TSPAN12: variants seen among roughly 807,000 people sequenced by gnomAD.
TSPAN12 encodes tetraspanin-12.
TSPAN12 carries 19 observed loss-of-function variants against 39.2 expected under a neutral mutation model. The observed-to-expected ratio is 0.49, with a 90% CI of 0.34 to 0.71. The LOEUF (loss-of-function observed/expected upper bound fraction) is 0.71. Ranked by LOEUF, TSPAN12 falls within the 30% of genes least tolerant of loss-of-function variation. TSPAN12 has a pLI of 0.01. For synonymous variants in TSPAN12, 119 were observed against 124.8 expected (o/e 0.95, Z 0.31); for missense variants, 314 against 359.9 (o/e 0.87, Z 1.03).
intron 7 of TSPAN12, among the ~76,000 whole-genome samples, chr7:120,802,139 C>T (rs1392228421): frequency 3.9e-5 from 6 of 152,202 alleles, no homozygotes; most frequent in African/African-American, 1.4e-4. Flanking sequence ...ACAAGAGATA[C>T]CATAGGCTTG....
At chr7:120,838,327 C>T (rs939817691) in intron 4 of TSPAN12, among the ~76,000 whole-genome samples, 1 of 152,186 alleles carries the variant, frequency 6.6e-6, no homozygotes, top group Non-Finnish European at 1.5e-5. Flanking sequence ...CTGAGACTCG[C>T]TTATGTTCTC....
intron 2 of TSPAN12, among the ~76,000 whole-genome samples, chr7:120,847,928 G>A (rs2116493668): frequency 1.3e-5 from 2 of 152,210 alleles, no homozygotes; most frequent in Middle Eastern, 6.8e-3. Context: ...GGGCACACCA[G>A]GCCCTCTTCA....
chr7:120,828,085 CAT>C (rs1418351878), intron 4 of TSPAN12, among the ~76,000 whole-genome samples: 5 of 152,186 alleles, frequency 3.3e-5, no homozygotes, highest in African/African-American at 1.2e-4. Context: ...GACTTCCCCA[CAT>C]GAGTACCTTT....
Position 120,806,588 on chromosome 7 carries a change from T to G in TSPAN12, c.573A>C (p.Lys191Asn). The G allele has an allele frequency of 6.2e-7, 1 of 1,613,536 alleles. No homozygotes were observed. Among genetic ancestry groups the G allele is most frequent in the Non-Finnish European group, 8.5e-7 (1 of 1,179,600 alleles). Residue 191 changes from lysine to asparagine, a missense_variant, in exon 7 of 8, where the codon AAA becomes AAC. Physicochemically the swap from Lys to Asn is moderately conservative, Grantham distance 94. Coordinates refer to ENST00000222747, the MANE Select transcript of TSPAN12 (RefSeq NM_012338.4). ...CCVREFPGCS[K>N]QAHQEDLSDL... is the part of the protein sequence containing the mutation. ...CACTGAGATCTTCCTGGTGGGCCTGTTTGGAACATCCTGGGAATTCTCTAA... is the reference window on the plus strand; with the variant it reads ...CACTGAGATCTTCCTGGTGGGCCTGGTTGGAACATCCTGGGAATTCTCTAA...
intron 1 of TSPAN12, 182 bp from the exon 2 acceptor site, chr7:120,857,015 T>C: frequency 3.5e-6 from 2 of 571,504 alleles, no homozygotes; most frequent in Non-Finnish European, 3.1e-6. Context: ...CTCCCAAAAG[T>C]TCCAAACCGG....
intron 4 of TSPAN12, among the ~76,000 whole-genome samples, chr7:120,824,395 T>C (rs958419551): frequency 4.6e-5 from 7 of 151,788 alleles, no homozygotes; most frequent in African/African-American, 7.3e-5. Context: ...TGAGCCAAGA[T>C]GGTACCATTG....
At chr7:120,794,123 A>T (rs1001626060) in intron 7 of TSPAN12, among the ~76,000 whole-genome samples, 3 of 152,206 alleles carry the variant, frequency 2.0e-5, no homozygotes, top group Admixed American at 2.0e-4. Context: ...ATATTTTATT[A>T]TTAATTTACT....
At chr7:120,838,014 G>A (rs1426252605) in intron 4 of TSPAN12, among the ~76,000 whole-genome samples, 1 of 152,106 alleles carries the variant, frequency 6.6e-6, no homozygotes, top group Non-Finnish European at 1.5e-5. Flanking sequence ...TACACAGCCA[G>A]GGCTGAGACC....
At chr7:120,845,754 C>T (rs1794658451) in intron 2 of TSPAN12, among the ~76,000 whole-genome samples, 3 of 152,208 alleles carry the variant, frequency 2.0e-5, no homozygotes, top group Admixed American at 2.0e-4. Flanking sequence ...ATTTTTATCA[C>T]AACAATTTAA....
At chr7:120,835,306 C>T (rs1273208141) in intron 4 of TSPAN12, among the ~76,000 whole-genome samples, 1 of 152,140 alleles carries the variant, frequency 6.6e-6, no homozygotes, top group African/African-American at 2.4e-5. Context: ...AGCCTTATTG[C>T]CGAATGACTT....
At chr7:120,807,914 G>A (rs1426227817) in intron 6 of TSPAN12, among the ~76,000 whole-genome samples, 3 of 151,968 alleles carry the variant, frequency 2.0e-5, no homozygotes, top group Admixed American at 6.6e-5. Flanking sequence ...AAAGTCATGA[G>A]TATACTATAA....
At chr7:120,816,483 GA>G (rs1794085963) in intron 4 of TSPAN12, among the ~76,000 whole-genome samples, 1 of 152,040 alleles carries the variant, frequency 6.6e-6, no homozygotes, top group African/African-American at 2.4e-5. Flanking sequence ...TTGGAACAAA[GA>G]AGAGAAGAGA....
intron 7 of TSPAN12, among the ~76,000 whole-genome samples, chr7:120,790,741 A>C (rs911508192): frequency 6.6e-6 from 1 of 152,190 alleles, no homozygotes; most frequent in Non-Finnish European, 1.5e-5. Context: ...GCAGAGAAAT[A>C]TTTTACATAG....
At chr7:120,822,159 C>T (rs1054902573) in intron 4 of TSPAN12, among the ~76,000 whole-genome samples, 26 of 152,074 alleles carry the variant, frequency 1.7e-4, no homozygotes, top group Admixed American at 1.4e-3. Flanking sequence ...CTATTTAAGC[C>T]CTTGGGGATG....
At chr7:120,829,954 C>T (rs1158428381) in intron 4 of TSPAN12, among the ~76,000 whole-genome samples, 1 of 152,020 alleles carries the variant, frequency 6.6e-6, no homozygotes, top group Non-Finnish European at 1.5e-5. Flanking sequence ...CTCATAAAGA[C>T]CCAACACTAA....
intron 4 of TSPAN12, among the ~76,000 whole-genome samples, chr7:120,827,121 A>G (rs1026104699): frequency 6.6e-6 from 1 of 152,208 alleles, no homozygotes; most frequent in Non-Finnish European, 1.5e-5. Flanking sequence ...AACTCGTACT[A>G]TAATAGCTGT....
At chr7:120,854,059 TA>T (rs1243416990) in intron 2 of TSPAN12, among the ~76,000 whole-genome samples, 1 of 152,112 alleles carries the variant, frequency 6.6e-6, no homozygotes, top group East Asian at 1.9e-4. Context: ...AAAATATACA[TA>T]AAATGATGCT....
At chr7:120,797,787 A>ACATT (rs1793662505) in intron 7 of TSPAN12, among the ~76,000 whole-genome samples, 1 of 152,040 alleles carries the variant, frequency 6.6e-6, no homozygotes, top group Non-Finnish European at 1.5e-5. Context: ...CATATCTTTC[A>ACATT]CATTCATTCC....
At chr7:120,799,653 A>T (rs1793718235) in intron 7 of TSPAN12, among the ~76,000 whole-genome samples, 1 of 102,962 alleles carries the variant, frequency 9.7e-6, no homozygotes, top group African/African-American at 4.1e-5. Context: ...ATATATAATT[A>T]AATATATAAA....
Sources: gnomAD v4.1 joint callset for allele counts (sites outside exome capture counted in the v4.1 genomes callset) on GRCh38, gnomAD v4.1.1 for gene constraint, MANE v1.5 for transcripts, NCBI Gene and HGNC (gene_info 2026-07-23, HGNC 2026-07-21) for gene names.